The following OGFOD3 variants were observed in gnomAD, a reference collection of about 807,000 sequenced individuals.
OGFOD3 encodes the protein 2-oxoglutarate and iron dependent oxygenase domain containing 3.
OGFOD3 carries 35 observed loss-of-function variants against 39.8 expected under a neutral mutation model. The ratio of observed to expected loss-of-function variants is 0.88; its 90% CI spans 0.67 to 1.17. The LOEUF is 1.17. Among genes scored for constraint, OGFOD3 ranks in the 50% most tolerant of loss-of-function variants. The probability of loss-of-function intolerance (pLI) is 0.00; values close to 1 mark genes in which losing one functional copy is unlikely to be tolerated. For synonymous variants in OGFOD3, 200 were observed against 192.0 expected (o/e 1.04, Z -0.34); for missense variants, 438 against 454.5 (o/e 0.96, Z 0.33).
At chr17:82,414,844 A>G (rs1599705654) in intron 2 of OGFOD3, among the ~76,000 whole-genome samples, 1 of 152,258 alleles carries the variant, frequency 6.6e-6, no homozygotes, top group African/African-American at 2.4e-5. Flanking sequence ...AAGCGACAGG[A>G]GGCCTACAGG....
At chr17:82,400,399 A>G (rs2052745324) in intron 7 of OGFOD3, among the ~76,000 whole-genome samples, 1 of 152,236 alleles carries the variant, frequency 6.6e-6, no homozygotes, top group Admixed American at 6.5e-5. Context: ...TGCGGACTGC[A>G]CTGCCTTCTG....
At chr17:82,410,547 G>A (rs578110143) in intron 3 of OGFOD3, among the ~76,000 whole-genome samples, 51 of 152,212 alleles carry the variant, frequency 3.4e-4, no homozygotes, top group African/African-American at 4.3e-4. Flanking sequence ...CGGAGGCTCC[G>A]TGGGGAGCAT....
intron 1 of OGFOD3, among the ~76,000 whole-genome samples, chr17:82,416,605 A>G (rs2053045314): frequency 6.6e-6 from 1 of 152,238 alleles, no homozygotes; most frequent in African/African-American, 2.4e-5. Context: ...ATGTATTTCC[A>G]AAACTTGAAT....
chr17:82,407,869 A>C (rs769991268), intron 4 of OGFOD3, among the ~76,000 whole-genome samples: 6 of 152,226 alleles, frequency 3.9e-5, no homozygotes, highest in Non-Finnish European at 5.9e-5. Context: ...TAGGCCGGGC[A>C]CGGTGGTTCA....
At chr17:82,402,301 G>A (rs1355966794) in intron 7 of OGFOD3, among the ~76,000 whole-genome samples, 1 of 151,954 alleles carries the variant, frequency 6.6e-6, no homozygotes, top group Non-Finnish European at 1.5e-5. Context: ...TGGGCGTGGT[G>A]GTGCATGCCT....
rs145224873 is a variant in OGFOD3 at position 82,409,556 on chromosome 17, G to A, written c.381-146C>T. On this transcript the variant is annotated intron_variant, in intron 3 of 8. Coordinates refer to ENST00000313056, the MANE Select transcript of OGFOD3 (RefSeq NM_024648.3). ...GATGTAAACAAATGTTTAGACCAAA[G>A]GACTCAACTTTCAAAGTTCAGTGCG... The A allele has an allele frequency of 1.5e-4, 110 of 736,218 alleles. 1 individual carries two copies. In the East Asian group the frequency reaches 2.8e-3, roughly 19 times the overall value. The allele number at this position is 736,218 out of a possible 1,614,324, so 45.6% of individuals were successfully genotyped here. A position where few individuals can be genotyped will look rare whatever the true frequency, so the allele number is the denominator to read the frequency against.
intron 8 of OGFOD3, among the ~76,000 whole-genome samples, chr17:82,397,061 G>C (rs59719801): frequency 0.25 from 37,499 of 152,008 alleles, 5,049 homozygotes; most frequent in South Asian, 0.41. Flanking sequence ...TGGCCGGGCA[G>C]CTCAGGCCAC....
chr17:82,409,862 T>C (rs1355241797), intron 3 of OGFOD3, among the ~76,000 whole-genome samples: 1 of 151,826 alleles, frequency 6.6e-6, no homozygotes, highest in Non-Finnish European at 1.5e-5. Flanking sequence ...GCCACTGCAC[T>C]CCAGCCTGGA....
intron 2 of OGFOD3, among the ~76,000 whole-genome samples, chr17:82,412,297 C>CAGG (rs2052960671): frequency 2.5e-5 from 3 of 122,054 alleles, no homozygotes; most frequent in African/African-American, 9.4e-5. Flanking sequence ...GGGGCAGGGT[C>CAGG]GTTGGGACAG....
At chr17:82,399,017 G>T (rs1301767932) in intron 7 of OGFOD3, among the ~76,000 whole-genome samples, 1 of 94,144 alleles carries the variant, frequency 1.1e-5, no homozygotes, top group Non-Finnish European at 2.2e-5. Flanking sequence ...GGTGGTGGGG[G>T]CAGGGGGGCG....
chr17:82,411,811 T>A (rs1264486156), intron 2 of OGFOD3: 1 of 454,274 alleles, frequency 2.2e-6, no homozygotes, highest in Non-Finnish European at 4.0e-6. Flanking sequence ...AGACACGGCG[T>A]CAACAGCATT....
intron 3 of OGFOD3, among the ~76,000 whole-genome samples, chr17:82,410,155 C>T (rs1346539806): frequency 6.6e-6 from 1 of 152,228 alleles, no homozygotes; most frequent in Non-Finnish European, 1.5e-5. Flanking sequence ...CAGAGGACCA[C>T]CCTGAGCTGC....
chr17:82,406,402 A>G lies in OGFOD3; in HGVS notation c.488+16T>C, dbSNP rs1428633113. The G allele has an allele frequency of 1.2e-6, 2 of 1,613,172 alleles. No individual in the cohort carries two copies. Among genetic ancestry groups the G allele is most frequent in the South Asian group, 2.2e-5 (2 of 91,072 alleles). On this transcript the variant is annotated intron_variant, in intron 5 of 8. Coordinates refer to ENST00000313056, the MANE Select transcript of OGFOD3 (RefSeq NM_024648.3). This position sits in a 1 kb window ranked among gnomAD's most constrained non-coding sequence, Gnocchi z 5.2. Reference sequence around the variant, plus strand: ...GGCTTTCAGAGCCAGCACTGAGGTCATGCTGCAGCACTCACCTGTACAGGT... The same window carrying G: ...GGCTTTCAGAGCCAGCACTGAGGTCGTGCTGCAGCACTCACCTGTACAGGT...
intron 7 of OGFOD3, among the ~76,000 whole-genome samples, chr17:82,398,869 A>C (rs2052719318): frequency 7.0e-6 from 1 of 143,294 alleles, no homozygotes; most frequent in South Asian, 2.3e-4. Context: ...CACTACAACC[A>C]GCTAATTTTT....
chr17:82,399,627 C>T (rs376876708), intron 7 of OGFOD3, among the ~76,000 whole-genome samples: 45 of 152,224 alleles, frequency 3.0e-4, no homozygotes, highest in Admixed American at 1.4e-3. Context: ...TGACTCCCCA[C>T]GCCCCCCAGT....
In OGFOD3 at chr17:82,390,751, ACGCCCGCTCCTTCC is replaced by A; in HGVS notation, c.*1633_*1646del. On this transcript the variant is annotated 3_prime_UTR_variant, in exon 9 of 9. Coordinates refer to ENST00000313056, the MANE Select transcript of OGFOD3 (RefSeq NM_024648.3). The surrounding 1 kb of genome is among the most constrained non-coding windows in gnomAD (Gnocchi z 4.9). ...GGGTCACCATGCCTCAGCTGGCCTC[ACGCCCGCTCCTTCC>A]CAGGGGTCACCATGCCTCAGCTGGC... The A allele has an allele frequency of 5.8e-6, 1 of 173,584 alleles. No homozygotes were observed. Among genetic ancestry groups the A allele is most frequent in the South Asian group, 7.9e-5 (1 of 12,736 alleles). The allele number at this position is 173,584 out of a possible 1,614,324, so 10.8% of individuals were successfully genotyped here. A position where few individuals can be genotyped will look rare whatever the true frequency, so the allele number is the denominator to read the frequency against.
chr17:82,397,095 A>G (rs2052684431), intron 8 of OGFOD3, among the ~76,000 whole-genome samples: 1 of 152,170 alleles, frequency 6.6e-6, no homozygotes, highest in African/African-American at 2.4e-5. Flanking sequence ...TCGTGGAAAG[A>G]GAGTCCCTCA....
chr17:82,418,548 A>C lies in OGFOD3; in HGVS notation c.-63T>G. 1.1e-6 allele frequency: 1 copy of C among 951,708 alleles called. No individual in the cohort carries two copies. Among genetic ancestry groups the C allele is most frequent in the Non-Finnish European group, 1.4e-6 (1 of 720,602 alleles). 59.0% of individuals were successfully genotyped at this position (951,708 alleles called of 1,614,324 possible). ...GCCAGGCCCGGGGACGAACGCCGTA[A>C]CAGGGAGCGCGAGGCAGGCACGGCG... On this transcript the variant is annotated 5_prime_UTR_variant, in exon 1 of 9. Coordinates refer to ENST00000313056, the MANE Select transcript of OGFOD3 (RefSeq NM_024648.3).
rs1486906347 is a variant in OGFOD3, at chr17:82,409,450, T to TTA, written c.381-41_381-40insTA. On this transcript the variant is annotated intron_variant, in intron 3 of 8. Coordinates refer to ENST00000313056, the MANE Select transcript of OGFOD3 (RefSeq NM_024648.3). ...TAATTCAGAATTTCGTTGCTAGAAT[T>TTA]GTCTATAATGTATAATCTAGGCAAA... is the stretch of plus-strand genomic sequence containing the variant. The TTA allele has an allele frequency of 3.8e-6, 6 of 1,592,342 alleles. No individual in the cohort carries two copies. The South Asian group carries it at 6.6e-5, about 18-fold the overall frequency.
Sources: gnomAD v4.1 joint callset for allele counts (sites outside exome capture counted in the v4.1 genomes callset) on GRCh38, gnomAD v4.1.1 for gene constraint, Gnocchi (gnomAD v3.1) non-coding constraint, MANE v1.5 for transcripts, NCBI Gene and HGNC (gene_info 2026-07-23, HGNC 2026-07-21) for gene names.